Variants in SH3RF2 observed in about 807,000 individuals in gnomAD.
The protein encoded by SH3RF2 is E3 ubiquitin-protein ligase SH3RF2.
In SH3RF2, 43 loss-of-function variants were observed where a neutral mutation model predicts 59.0. The ratio of observed to expected loss-of-function variants is 0.73; its 90% CI spans 0.57 to 0.94. The LOEUF (loss-of-function observed/expected upper bound fraction) is 0.94, where lower values mean the gene tolerates loss of function less well. Among genes scored for constraint, SH3RF2 ranks in the 40% least tolerant of loss-of-function variants. The pLI is 0.00. For synonymous variants in SH3RF2, 391 were observed against 391.5 expected (o/e 1.00, Z 0.01); for missense variants, 930 against 940.1 (o/e 0.99, Z 0.14).
At chr5:145,994,525 G>A (rs979389424) in intron 2 of SH3RF2, among the ~76,000 whole-genome samples, 4 of 152,200 alleles carry the variant, frequency 2.6e-5, no homozygotes, top group Non-Finnish European at 4.4e-5. Flanking sequence ...ATGGCAGGAG[G>A]TGAAAGGCAA....
At chr5:146,007,566 T>C (rs932936763) in intron 4 of SH3RF2, among the ~76,000 whole-genome samples, 44 of 152,214 alleles carry the variant, frequency 2.9e-4, no homozygotes, top group Admixed American at 2.8e-3. Context: ...CCTGGTCTCC[T>C]GCATTATCTT....
rs374805627 is a variant in SH3RF2, at chr5:145,963,462, A to G, written c.378+25156A>G. Among the ~76,000 whole-genome samples the G allele has an allele frequency of 3.9e-5, 6 of 152,272 alleles. No individual in the cohort carries two copies. The East Asian group carries it at 9.7e-4, about 24-fold the overall frequency. On this transcript the variant is annotated intron_variant, in intron 2 of 9. Coordinates refer to ENST00000359120, the MANE Select transcript of SH3RF2 (RefSeq NM_152550.4). ...TTTTATTTAAACAATAACAGTAACAAAACCTTCCTCTTGTCCCAATAAGTA... is the reference window on the plus strand; with the variant it reads ...TTTTATTTAAACAATAACAGTAACAGAACCTTCCTCTTGTCCCAATAAGTA...
At chr5:145,953,742 T>C (rs1248421652) in intron 2 of SH3RF2, among the ~76,000 whole-genome samples, 2 of 152,196 alleles carry the variant, frequency 1.3e-5, no homozygotes, top group African/African-American at 4.8e-5. Context: ...CCAGTGTCTT[T>C]TGTTCCCTTC....
intron 2 of SH3RF2, among the ~76,000 whole-genome samples, chr5:145,983,940 A>G (rs1287644325): frequency 6.6e-6 from 1 of 152,202 alleles, no homozygotes; most frequent in African/African-American, 2.4e-5. Flanking sequence ...GATACTCCCC[A>G]ATCTTGGGGA....
At chr5:145,964,231 TTCTTTCTTTCTTCTTTC>T (rs1466276721) in intron 2 of SH3RF2, among the ~76,000 whole-genome samples, 3 of 151,512 alleles carry the variant, frequency 2.0e-5, no homozygotes, top group African/African-American at 4.9e-5. Context: ...CTTCTTTCTT[TTCTTTCTTTCTTCTTTC>T]TCTTTCTTTC....
intron 2 of SH3RF2, among the ~76,000 whole-genome samples, chr5:145,985,628 T>C (rs754897826): frequency 1.3e-5 from 2 of 152,240 alleles, no homozygotes; most frequent in African/African-American, 2.4e-5. Context: ...TCAACAGTTA[T>C]TACCATTTTG....
chr5:146,031,546 G>A (rs779325187), intron 5 of SH3RF2, among the ~76,000 whole-genome samples: 8 of 152,326 alleles, frequency 5.3e-5, no homozygotes, highest in Non-Finnish European at 7.4e-5. Flanking sequence ...AGTGAATGAC[G>A]GAGGGAGGGA....
intron 5 of SH3RF2, among the ~76,000 whole-genome samples, chr5:146,024,358 A>C (rs574311626): frequency 6.6e-6 from 1 of 152,194 alleles, no homozygotes; most frequent in Non-Finnish European, 1.5e-5. Flanking sequence ...ATGCGTTTAT[A>C]GTGCATGTGT....
Position 146,062,832 on chromosome 5 carries a change from G to C in SH3RF2, c.*131G>C, listed in dbSNP as rs1762951513. On this transcript the variant is annotated 3_prime_UTR_variant, in exon 10 of 10. Coordinates refer to ENST00000359120, the MANE Select transcript of SH3RF2 (RefSeq NM_152550.4). ...CCTTGTTCTTCCTATTTCACCTCCA[G>C]GAAAGCAAAAGTGGGAGCAGAAATT... The C allele has an allele frequency of 7.6e-7, 1 of 1,316,952 alleles. No individual in the cohort carries two copies. Among genetic ancestry groups the C allele is most frequent in the South Asian group, 1.5e-5 (1 of 65,262 alleles). The allele number at this position is 1,316,952 out of a possible 1,614,324, so 81.6% of individuals were successfully genotyped here. A position where few individuals can be genotyped will look rare whatever the true frequency, so the allele number is the denominator to read the frequency against.
intron 7 of SH3RF2, 136 bp from the exon 8 acceptor site, chr5:146,055,845 T>C (rs1762644406): frequency 1.0e-6 from 1 of 956,262 alleles, no homozygotes; most frequent in Non-Finnish European, 1.6e-6. Context: ...AAAATGGGTG[T>C]GTATGGGTGG....
intron 9 of SH3RF2, among the ~76,000 whole-genome samples, chr5:146,073,667 T>C (rs934884664): frequency 6.6e-5 from 10 of 152,202 alleles, no homozygotes; most frequent in Non-Finnish European, 1.2e-4. Context: ...CATTTTTTTT[T>C]CAACGGATAT....
At chr5:146,047,900 C>T (rs1762366535) in intron 6 of SH3RF2, 37 bp downstream of exon 6, 2 of 1,582,788 alleles carry the variant, frequency 1.3e-6, no homozygotes. Flanking sequence ...CAAGTCCTGG[C>T]ACAAAGGGGT....
At chr5:145,974,241 G>A (rs769760919) in intron 2 of SH3RF2, among the ~76,000 whole-genome samples, 3 of 152,192 alleles carry the variant, frequency 2.0e-5, no homozygotes, top group Non-Finnish European at 4.4e-5. Flanking sequence ...AGCCAGCAAG[G>A]GAGAGAGTGT....
chr5:146,064,587 GAGAGAGA>G (rs758196995), downstream of SH3RF2, among the ~76,000 whole-genome samples: 163 of 59,060 alleles, frequency 2.8e-3, 8 homozygotes, highest in Middle Eastern at 0.011. Flanking sequence ...AAGGAAGGGG[GAGAGAGA>G]GAGAGAGAGA....
At chr5:146,062,351 T>A (rs1472019650) in intron 9 of SH3RF2, 75 bp from the exon 10 acceptor site, 1 of 1,538,930 alleles carries the variant, frequency 6.5e-7, no homozygotes, top group Non-Finnish European at 8.8e-7. Context: ...ATGAGACATT[T>A]CAAGTGGGGA....
chr5:146,062,360 G>A, intron 9 of SH3RF2, 66 bp from the exon 10 acceptor site: 1 of 1,559,056 alleles, frequency 6.4e-7, no homozygotes, highest in Non-Finnish European at 8.7e-7. Context: ...TTCAAGTGGG[G>A]ACAAGCATGG....
chr5:145,991,660 G>A (rs1224700588), intron 2 of SH3RF2, among the ~76,000 whole-genome samples: 1 of 152,204 alleles, frequency 6.6e-6, no homozygotes, highest in Non-Finnish European at 1.5e-5. Flanking sequence ...AGGGGAGATG[G>A]AGAAAAGATG....
At chr5:145,985,921 T>C (rs1759681994) in intron 2 of SH3RF2, among the ~76,000 whole-genome samples, 1 of 152,034 alleles carries the variant, frequency 6.6e-6, no homozygotes, top group Non-Finnish European at 1.5e-5. Flanking sequence ...GGAGGATCTC[T>C]TGAGCCCAGG....
chr5:146,003,312 T>A (rs1166739455), intron 3 of SH3RF2, among the ~76,000 whole-genome samples: 2 of 152,234 alleles, frequency 1.3e-5, no homozygotes, highest in Non-Finnish European at 2.9e-5. Flanking sequence ...TTCTGGGTGC[T>A]GGGAGGATTC....
Sources: gnomAD v4.1 joint callset for allele counts (sites outside exome capture counted in the v4.1 genomes callset) on GRCh38, gnomAD v4.1.1 for gene constraint, MANE v1.5 for transcripts, NCBI Gene and HGNC (gene_info 2026-07-23, HGNC 2026-07-21) for gene names.